MIB1: variants seen among roughly 807,000 people sequenced by gnomAD.
The protein encoded by MIB1 is MIB E3 ubiquitin protein ligase 1.
Under a neutral mutation model 124.5 loss-of-function variants are expected in MIB1, and 278 were observed. The observed-to-expected ratio is 2.23, with a 90% CI of 2.02 to 2.47. The LOEUF is 2.47. MIB1 is among the 30% of genes most tolerant of loss of function. MIB1 has a pLI of 0.00. For synonymous variants in MIB1, 446 were observed against 429.4 expected, an observed-to-expected ratio of 1.04 and a Z score of -0.48; for missense variants, 957 against 1,254.4, an observed-to-expected ratio of 0.76 and a Z score of 3.58.
intron 1 of MIB1, among the ~76,000 whole-genome samples, chr18:21,715,271 T>C (rs2040684412): frequency 6.6e-6 from 1 of 152,140 alleles, no homozygotes; most frequent in Non-Finnish European, 1.5e-5. Flanking sequence ...TAACAGTCAG[T>C]ACAGCTTGGC....
At chr18:21,787,504 T>A (rs1375159104) in intron 6 of MIB1, among the ~76,000 whole-genome samples, 1 of 152,216 alleles carries the variant, frequency 6.6e-6, no homozygotes, top group Non-Finnish European at 1.5e-5. Flanking sequence ...GGAATGATTT[T>A]CCTGCAAGGG....
intron 8 of MIB1, among the ~76,000 whole-genome samples, chr18:21,798,923 A>G (rs758555060): frequency 3.3e-5 from 5 of 152,088 alleles, no homozygotes; most frequent in African/African-American, 7.2e-5. Flanking sequence ...GTGACTTCCA[A>G]TTTTATTTTT....
intron 12 of MIB1, chr18:21,825,975 ACAT>A: frequency 9.6e-6 from 3 of 311,944 alleles, no homozygotes; most frequent in South Asian, 7.3e-5. Flanking sequence ...TCCTTTTAAC[ACAT>A]TACTGCATTA....
In MIB1 at chr18:21,731,650, T is replaced by C. The variant is rs536499559; in HGVS notation, n.167+26527T>C. ...GGGAGGCTGAGGCAGGAGAATGGCG[T>C]GAACCCGGGAGGCAGAGCTTGCAGT... is the stretch of plus-strand genomic sequence containing the variant. On this transcript the variant is annotated intron_variant and non_coding_transcript_variant, in intron 1 of 20. Coordinates refer to the MIB1 transcript ENST00000578646. Among the ~76,000 whole-genome samples, 3 of 143,934 alleles carry C rather than the reference T, an allele frequency of 2.1e-5. No individual in the cohort carries two copies. The South Asian group carries it at 6.5e-4, about 31-fold the overall frequency. The allele number at this position is 143,934 out of a possible 152,430, so 94.4% of individuals were successfully genotyped here. A position where few individuals can be genotyped will look rare whatever the true frequency, so the allele number is the denominator to read the frequency against.
chr18:21,835,751 C>G (rs927721525), intron 12 of MIB1, among the ~76,000 whole-genome samples: 1 of 137,470 alleles, frequency 7.3e-6, no homozygotes, highest in Non-Finnish European at 1.5e-5. Flanking sequence ...GCCTGGGCAA[C>G]ACAGCAAGAC....
At chr18:21,769,295 A>C (rs1334954570) in intron 3 of MIB1, among the ~76,000 whole-genome samples, 1 of 152,142 alleles carries the variant, frequency 6.6e-6, no homozygotes, top group African/African-American at 2.4e-5. Flanking sequence ...AATGGGGGTG[A>C]AGAGGAGAGT....
At chr18:21,757,232 G>A (rs1485376451) in intron 1 of MIB1, among the ~76,000 whole-genome samples, 5 of 151,452 alleles carry the variant, frequency 3.3e-5, no homozygotes, top group East Asian at 4.0e-4. Flanking sequence ...TGGGTGGATC[G>A]CTTGGGGTCA....
rs2042237336 is a variant in MIB1, at chr18:21,857,207, G to A, written c.2743G>A (p.Gly915Arg). 1.7e-5 allele frequency: 27 copies of A among 1,613,804 alleles called. No individual in the cohort carries two copies. Among genetic ancestry groups the A allele is most frequent in the Non-Finnish European group, 2.2e-5 (26 of 1,179,818 alleles). The change falls in exon 19 of 21, where the codon GGA becomes AGA. Residue 915 changes from glycine (G) to arginine (R), a missense_variant. Physicochemically the swap from Gly to Arg is moderately radical, Grantham distance 125 (BLOSUM62 -2). Coordinates refer to ENST00000261537, the MANE Select transcript of MIB1 (RefSeq NM_020774.4). Reference sequence around the variant, plus strand: ...AAGAGTGCCTTTCATTATGTGCTGTGGAGGGAAAAGTTCAGAAGATGCCAC... The same window carrying A: ...AAGAGTGCCTTTCATTATGTGCTGTAGAGGGAAAAGTTCAGAAGATGCCAC... ...ERRVPFIMCC[G>R]GKSSEDATDD...
At chr18:21,809,294 C>G (rs2041743789) in intron 10 of MIB1, among the ~76,000 whole-genome samples, 1 of 152,030 alleles carries the variant, frequency 6.6e-6, no homozygotes, top group Non-Finnish European at 1.5e-5. Context: ...AAGGAAAAGC[C>G]TTGGACCTTA....
At chr18:21,794,907 G>T (rs1037574970) in intron 7 of MIB1, among the ~76,000 whole-genome samples, 3 of 151,728 alleles carry the variant, frequency 2.0e-5, no homozygotes, top group Middle Eastern at 3.4e-3. Context: ...TTGTTCCCAT[G>T]AGTCCTTTCT....
At chr18:21,721,211 C>T (rs1336143319) in intron 1 of MIB1, among the ~76,000 whole-genome samples, 1 of 67,282 alleles carries the variant, frequency 1.5e-5, no homozygotes, top group Non-Finnish European at 2.8e-5. Context: ...GACAGAGTCT[C>T]CTTCTGTTGC....
At chr18:21,864,485 A>T in intron 20 of MIB1, 41 bp from the exon 21 acceptor site, 2 of 1,487,374 alleles carry the variant, frequency 1.3e-6, no homozygotes, top group Non-Finnish European at 1.9e-6. Context: ...CTTTCCAAAT[A>T]TAAAGTGTCT....
rs557376164 is a variant in MIB1 at position 21,870,404 on chromosome 18, G to A, written c.*5738G>A. 1 of 152,124 alleles carries A rather than the reference G, an allele frequency of 6.6e-6. No individual in the cohort carries two copies. Among genetic ancestry groups the A allele is most frequent in the Non-Finnish European group, 1.5e-5 (1 of 67,960 alleles). The allele number at this position is 152,124 out of a possible 1,614,324, so 9.4% of individuals were successfully genotyped here. A position where few individuals can be genotyped will look rare whatever the true frequency, so the allele number is the denominator to read the frequency against. Reference sequence around the variant, plus strand: ...TACAGTTAAGGTACCTCTATCTAAAGGGCCAAAGAAGCATTTCATATTTTA... The same window carrying A: ...TACAGTTAAGGTACCTCTATCTAAAAGGCCAAAGAAGCATTTCATATTTTA... On this transcript the variant is annotated 3_prime_UTR_variant, in exon 21 of 21. Transcript: ENST00000261537.
chr18:21,868,954 T>A lies in MIB1; in HGVS notation c.*4288T>A, dbSNP rs2042338728. The A allele has an allele frequency of 6.6e-6, 1 of 152,452 alleles. No homozygotes were observed. Among genetic ancestry groups the A allele is most frequent in the Non-Finnish European group, 1.5e-5 (1 of 67,896 alleles). The allele number at this position is 152,452 out of a possible 1,614,324, so 9.4% of individuals were successfully genotyped here. A position where few individuals can be genotyped will look rare whatever the true frequency, so the allele number is the denominator to read the frequency against. ...GACAGTAGAGCCGATGAATTAAAAT[T>A]GTAAATTGCTACATTGGCATTTTCT... On this transcript the variant is annotated 3_prime_UTR_variant, in exon 21 of 21. Transcript: ENST00000261537.
At chr18:21,709,582 A>T (rs2040656843) in intron 1 of MIB1, among the ~76,000 whole-genome samples, 1 of 152,196 alleles carries the variant, frequency 6.6e-6, no homozygotes, top group African/African-American at 2.4e-5. Context: ...GGTGCAGTCT[A>T]GGTTGTATCT....
At chr18:21,721,170 T>TTG (rs2040713656) in intron 1 of MIB1, among the ~76,000 whole-genome samples, 1 of 98,504 alleles carries the variant, frequency 1.0e-5, no homozygotes, top group Non-Finnish European at 2.0e-5. Flanking sequence ...TTTTTTTTTT[T>TTG]TTTTTTTTTT....
intron 10 of MIB1, among the ~76,000 whole-genome samples, chr18:21,810,180 A>G (rs1053102502): frequency 1.3e-5 from 2 of 152,086 alleles, no homozygotes; most frequent in Non-Finnish European, 2.9e-5. Context: ...TTAGGCATGA[A>G]CTTAACGAAG....
chr18:21,747,641 A>C (rs1406694251), intron 1 of MIB1, among the ~76,000 whole-genome samples: 1 of 152,242 alleles, frequency 6.6e-6, no homozygotes, highest in Non-Finnish European at 1.5e-5. Context: ...TACAACTGAA[A>C]TAAAGGAGCA....
rs1337366884 is a variant in MIB1 at position 21,819,584 on chromosome 18, T to TA, written c.1768dup (p.Thr590AsnfsTer6). The TA allele has an allele frequency of 1.2e-6, 2 of 1,612,274 alleles. No individual in the cohort carries two copies. Among genetic ancestry groups the TA allele is most frequent in the Non-Finnish European group, 1.7e-6 (2 of 1,178,898 alleles). The stretch of plus-strand genomic sequence containing the variant: ...TTCTTTTGGAAGCTGGAGCAGATGT[T>TA]ACCATCACAAACAATAATGGATTTA... On this transcript the variant is annotated frameshift_variant, in exon 12 of 21. Transcript: ENST00000261537. LOFTEE classifies it high-confidence loss of function.
Sources: allele counts gnomAD v4.1 joint callset (sites outside exome capture counted in the v4.1 genomes callset), GRCh38; gene constraint gnomAD v4.1.1; transcripts MANE v1.5; gene names NCBI Gene and HGNC (gene_info 2026-07-23, HGNC 2026-07-21).